Variants in FNDC1 observed in about 807,000 individuals in gnomAD.
FNDC1 encodes fibronectin type III domain-containing protein 1.
FNDC1 carries 96 observed loss-of-function variants against 168.0 expected under a neutral mutation model. That is an observed-to-expected ratio of 0.57 (90% CI 0.48 to 0.68). The LOEUF (loss-of-function observed/expected upper bound fraction) is 0.68. Among genes scored for constraint, FNDC1 ranks in the 30% least tolerant of loss-of-function variants. FNDC1 has a pLI of 0.00. For missense variants in FNDC1, 2,587 were observed against 2,482.1 expected, an observed-to-expected ratio of 1.04 and a Z score of -0.90; for synonymous variants, 1,099 against 1,025.9, an observed-to-expected ratio of 1.07 and a Z score of -1.36.
intron 18 of FNDC1, among the ~76,000 whole-genome samples, chr6:159,258,114 G>C (rs906066961): frequency 1.3e-5 from 2 of 152,058 alleles, no homozygotes; most frequent in Non-Finnish European, 2.9e-5. Flanking sequence ...ATGTCAGGAG[G>C]GTTATGTAGG....
Position 159,271,397 on chromosome 6 carries a change from T to G in FNDC1, c.5640T>G (p.Tyr1880Ter). Residue 1880 changes from tyrosine to a stop codon, truncating the protein, a stop_gained, in exon 23 of 23, where the codon TAT (tyrosine) becomes TAG (stop). Transcript: ENST00000297267. LOFTEE classifies it high-confidence loss of function. Reference sequence around the variant, plus strand: ...TCGGCTTCGGAACCCCCTACTACTATGTGGGCTGGTACGAGTGTGGGGTCT... The same window carrying G: ...TCGGCTTCGGAACCCCCTACTACTAGGTGGGCTGGTACGAGTGTGGGGTCT... Reference protein sequence around the residue: ...GNIGFGTPYYYVGWYECGVSI... With the variant: ...GNIGFGTPYY The G allele has an allele frequency of 1.9e-6, 3 of 1,612,588 alleles. No individual in the cohort carries two copies. The highest frequency in any genetic ancestry group is 2.5e-6 in the Non-Finnish European group (3 of 1,179,410).
intron 9 of FNDC1, among the ~76,000 whole-genome samples, chr6:159,228,057 T>A (rs1782992080): frequency 6.6e-6 from 1 of 152,224 alleles, no homozygotes; most frequent in Non-Finnish European, 1.5e-5. Flanking sequence ...TAACTACTTT[T>A]TGTTAGTTAA....
At chr6:159,269,639 CTA>C (rs1777701651) in intron 22 of FNDC1, among the ~76,000 whole-genome samples, 1 of 148,644 alleles carries the variant, frequency 6.7e-6, no homozygotes, top group Admixed American at 6.7e-5. Flanking sequence ...ATCTATCTAT[CTA>C]TCTATCTATC....
chr6:159,169,833 G>C lies in FNDC1; in HGVS notation c.109+128G>C, dbSNP rs778293692. 3.5e-6 allele frequency: 1 copy of C among 281,850 alleles called. No homozygotes were observed. Among genetic ancestry groups the C allele is most frequent in the African/African-American group, 2.3e-5 (1 of 44,196 alleles). 17.5% of individuals were successfully genotyped at this position (281,850 alleles called of 1,614,324 possible). On this transcript the variant is annotated intron_variant, in intron 1 of 22. Coordinates refer to ENST00000297267, the MANE Select transcript of FNDC1 (RefSeq NM_032532.3). This position sits in a 1 kb window ranked among gnomAD's most constrained non-coding sequence, Gnocchi z 6.8. ...TAGCCTGTGCGTCCTCGTCACTCGCGGGTCGGGGCACTTGGCGCCCTGTGT... is the reference window on the plus strand; with the variant it reads ...TAGCCTGTGCGTCCTCGTCACTCGCCGGTCGGGGCACTTGGCGCCCTGTGT...
In FNDC1 at chr6:159,232,571, G is replaced by A. The variant is rs1039091599; in HGVS notation, c.2059G>A (p.Val687Met). The A allele has an allele frequency of 6.2e-7, 1 of 1,610,528 alleles. No homozygotes were observed. The highest frequency in any genetic ancestry group is 1.3e-5 in the African/African-American group (1 of 74,868). Residue 687 changes from valine (V) to methionine (M), a missense_variant, in exon 11 of 23, where the codon GTG becomes ATG. Transcript: ENST00000297267. This position sits in a 1 kb window ranked among gnomAD's most constrained non-coding sequence, Gnocchi z 4.9. Reference protein sequence around the residue: ...PSSVLRDRSSVHPGAKPASPA... With the variant: ...PSSVLRDRSSMHPGAKPASPA... ...CAGCGTTCTCCGCGACAGAAGCTCT[G>A]TGCACCCCGGCGCAAAGCCAGCCTC...
rs771563105 is a variant in FNDC1 at position 159,239,534 on chromosome 6, G to T, written c.4198G>T (p.Val1400Leu). The part of the protein sequence containing the change: ...RTIVDLEGTP[V>L]VSPDGLPLFG... ...TGTTTCAGATCTGGAAGGGACCCCC[G>T]TGGTGAGTCCTGACGGCCTCCCACT... Residue 1400 changes from valine to leucine, a missense_variant, in exon 14 of 23, where the codon GTG becomes TTG. By Grantham distance (32) the Val-to-Leu change is conservative (BLOSUM62 1). Transcript: ENST00000297267. 108 of 1,600,036 alleles carry T rather than the reference G, an allele frequency of 6.7e-5. No homozygotes were observed. The highest frequency in any genetic ancestry group is 8.9e-5 in the Non-Finnish European group (104 of 1,171,534).
chr6:159,196,463 A>G (rs539804157), intron 1 of FNDC1, among the ~76,000 whole-genome samples: 20 of 152,326 alleles, frequency 1.3e-4, no homozygotes, highest in African/African-American at 4.1e-4. Flanking sequence ...AAAATCACAT[A>G]CTAACTCACA....
chr6:159,212,922 C>G (rs563278423), intron 4 of FNDC1, among the ~76,000 whole-genome samples: 1 of 152,304 alleles, frequency 6.6e-6, no homozygotes, highest in South Asian at 2.1e-4. Context: ...AATGGCTGAA[C>G]TCTGCCTGGC....
Position 159,222,464 on chromosome 6 carries a change from C to T in FNDC1, c.766+768C>T, listed in dbSNP as rs531242928. ...ACCTTCCCCTGCTGGTGGTAAAATC[C>T]ACATCCTTTTGAAACACGGTCCCTG... On this transcript the variant is annotated intron_variant, in intron 6 of 22. Coordinates refer to ENST00000297267, the MANE Select transcript of FNDC1 (RefSeq NM_032532.3). 4.4e-4 allele frequency among the ~76,000 whole-genome samples: 67 copies of T among 152,158 alleles called. 2 individuals carry two copies. The South Asian group carries it at 0.014, about 31-fold the overall frequency.
intron 7 of FNDC1, 51 bp downstream of exon 7, chr6:159,223,696 G>T: frequency 1.8e-6 from 2 of 1,128,332 alleles, no homozygotes; most frequent in Non-Finnish European, 2.6e-6. Context: ...GGGTTTTTCT[G>T]GCCCTGAAAA....
At chr6:159,255,265 C>T (rs1319604779) in intron 17 of FNDC1, among the ~76,000 whole-genome samples, 2 of 152,204 alleles carry the variant, frequency 1.3e-5, no homozygotes, top group African/African-American at 2.4e-5. Context: ...ACTGCCTTCT[C>T]CCGGGTCCTC....
intron 1 of FNDC1, among the ~76,000 whole-genome samples, chr6:159,171,969 G>T (rs1435624492): frequency 6.6e-6 from 1 of 152,128 alleles, no homozygotes; most frequent in Non-Finnish European, 1.5e-5. Context: ...AAGCTTGATG[G>T]GTAAACTGCG....
Position 159,266,223 on chromosome 6 carries a change from C to T in FNDC1, c.5424C>T (p.Ile1808=). 1 of 1,613,908 alleles carries T rather than the reference C, an allele frequency of 6.2e-7. No homozygotes were observed. Among genetic ancestry groups the T allele is most frequent in the South Asian group, 1.1e-5 (1 of 91,084 alleles). The stretch of plus-strand genomic sequence containing the variant: ...TTTGTAATTCACTGAGGTATAAAAT[C>T]TACCTCAGTGACAACCTGAAAGGTA... ...VVLCNSLRYK[I]YLSDNLKDTF... is the part of the protein sequence containing the mutation. Residue 1808 remains isoleucine, a synonymous_variant, in exon 21 of 23, where the codon ATC becomes ATT. Coordinates refer to ENST00000297267, the MANE Select transcript of FNDC1 (RefSeq NM_032532.3).
At chr6:159,264,099 C>T (rs1777545527) in intron 19 of FNDC1, among the ~76,000 whole-genome samples, 1 of 152,232 alleles carries the variant, frequency 6.6e-6, no homozygotes, top group African/African-American at 2.4e-5. Context: ...ATACAGTAAC[C>T]TGCACCTACT....
At chr6:159,177,399 C>T (rs2114919010) in intron 1 of FNDC1, among the ~76,000 whole-genome samples, 2 of 152,208 alleles carry the variant, frequency 1.3e-5, no homozygotes, top group East Asian at 3.9e-4. Flanking sequence ...CATGATCCCA[C>T]ATTTGTCTGG....
chr6:159,267,985 AG>A lies in FNDC1; in HGVS notation c.5569+64del, dbSNP rs1233727112. 11 of 1,556,488 alleles carry A rather than the reference AG, an allele frequency of 7.1e-6. No individual in the cohort carries two copies. The African/African-American group carries it at 8.2e-5, about 12-fold the overall frequency. ...GGAGGTGGGAGACAAGGATTAATAG[AG>A]GGGGAAAATCCACAGTAGGTCTGCC... On this transcript the variant is annotated intron_variant, in intron 22 of 22. Coordinates refer to ENST00000297267, the MANE Select transcript of FNDC1 (RefSeq NM_032532.3).
At chr6:159,227,829 C>A (rs1023864534) in intron 9 of FNDC1, among the ~76,000 whole-genome samples, 4 of 152,050 alleles carry the variant, frequency 2.6e-5, no homozygotes, top group Non-Finnish European at 5.9e-5. Flanking sequence ...AAAAAAAGGT[C>A]CATGCATTAG....
chr6:159,229,931 T>A lies in FNDC1; in HGVS notation c.1297T>A (p.Phe433Ile). 2 of 1,613,960 alleles carry A rather than the reference T, an allele frequency of 1.2e-6. No individual in the cohort carries two copies. The highest frequency in any genetic ancestry group is 1.7e-6 in the Non-Finnish European group (2 of 1,179,852). Residue 433 changes from phenylalanine (F) to isoleucine (I), a missense_variant, in exon 10 of 23, where the codon TTC becomes ATC. By Grantham distance (21) the Phe-to-Ile change is conservative. Transcript: ENST00000297267. Reference protein sequence around the residue: ...DGLQPGERYLFKIRATNRRGL... With the variant: ...DGLQPGERYLIKIRATNRRGL... ...TCTGCAGCCTGGGGAACGCTATCTTTTCAAAATCCGGGCCACAAACAGGAG... is the reference window on the plus strand; with the variant it reads ...TCTGCAGCCTGGGGAACGCTATCTTATCAAAATCCGGGCCACAAACAGGAG...
At chr6:159,186,596 G>A (rs1782004955) in intron 1 of FNDC1, among the ~76,000 whole-genome samples, 1 of 152,242 alleles carries the variant, frequency 6.6e-6, no homozygotes, top group Admixed American at 6.5e-5. Context: ...CTGACATGCA[G>A]CTCCCAGGCA....
Sources: gnomAD v4.1 joint callset for allele counts (sites outside exome capture counted in the v4.1 genomes callset) on GRCh38, gnomAD v4.1.1 for gene constraint, Gnocchi (gnomAD v3.1) non-coding constraint, MANE v1.5 for transcripts, NCBI Gene and HGNC (gene_info 2026-07-23, HGNC 2026-07-21) for gene names.